CD86: variants seen among roughly 807,000 people sequenced by gnomAD.
CD86 encodes the protein T-lymphocyte activation antigen CD86.
CD86 carries 11 observed loss-of-function variants against 32.1 expected under a neutral mutation model. That is an observed-to-expected ratio of 0.34 (90% CI 0.22 to 0.57). CD86 has a LOEUF of 0.57. CD86 is among the 20% of genes least tolerant of loss of function. The pLI is 0.86. For missense variants in CD86, 359 were observed against 398.4 expected (o/e 0.90, Z 0.84); for synonymous variants, 137 against 135.3 (o/e 1.01, Z -0.09).
At chr3:122,077,613 A>G (rs1183826199) in intron 1 of CD86, among the ~76,000 whole-genome samples, 5 of 152,150 alleles carry the variant, frequency 3.3e-5, no homozygotes, top group African/African-American at 9.7e-5. Context: ...ATTTTCATCT[A>G]TGGGCTTCAA....
chr3:122,088,203 G>A (rs1481392140), intron 1 of CD86, among the ~76,000 whole-genome samples: 1 of 42,674 alleles, frequency 2.3e-5, no homozygotes, highest in African/African-American at 9.8e-5. Flanking sequence ...TTTTTTTTTT[G>A]TAGTAGCCAG....
At chr3:122,083,434 G>A (rs527362817) in intron 1 of CD86, among the ~76,000 whole-genome samples, 1 of 152,086 alleles carries the variant, frequency 6.6e-6, no homozygotes, top group African/African-American at 2.4e-5. Flanking sequence ...TGCATATGCT[G>A]TTCCCTTTGC....
intron 5 of CD86, among the ~76,000 whole-genome samples, chr3:122,112,746 G>C (rs1559914061): frequency 6.6e-6 from 1 of 152,050 alleles, no homozygotes; most frequent in Admixed American, 6.6e-5. Context: ...TTTGTCATGG[G>C]TATAAAAGGA....
chr3:122,088,885 C>T (rs1214121822), intron 1 of CD86, among the ~76,000 whole-genome samples: 2 of 152,198 alleles, frequency 1.3e-5, no homozygotes, highest in East Asian at 3.8e-4. Context: ...CAGCCTTGTT[C>T]ATACCAGCAT....
At chr3:122,068,518 C>T (rs886890270) in intron 1 of CD86, among the ~76,000 whole-genome samples, 6 of 152,132 alleles carry the variant, frequency 3.9e-5, no homozygotes, top group Non-Finnish European at 8.8e-5. Flanking sequence ...ACAAATAGGC[C>T]ACTTAAATTC....
intron 1 of CD86, chr3:122,077,804 C>A: frequency 1.0e-6 from 1 of 985,528 alleles, no homozygotes; most frequent in Non-Finnish European, 1.2e-6. Context: ...TGGAACCAAG[C>A]AAGAGCACTG....
At position 122,109,288 on chromosome 3, in the gene CD86, C is replaced by A; in HGVS notation, c.727C>A (p.Pro243Thr). The A allele has an allele frequency of 6.2e-7, 1 of 1,613,980 alleles. No individual in the cohort carries two copies. The highest frequency in any genetic ancestry group is 1.1e-5 in the South Asian group (1 of 91,034). The change falls in exon 5 of 7, where the codon CCA becomes ACA. Residue 243 changes from proline (P) to threonine (T), a missense_variant. Physicochemically the swap from Pro to Thr is conservative, Grantham distance 38. Transcript: ENST00000330540. The stretch of plus-strand genomic sequence containing the variant: ...AGAGCTTGAGGACCCTCAGCCTCCC[C>A]CAGACCACATTCCTTGGATTACAGC... Reference protein sequence around the residue: ...SIELEDPQPPPDHIPWITAVL... With the variant: ...SIELEDPQPPTDHIPWITAVL...
At chr3:122,117,231 C>T (rs1576790289) in intron 5 of CD86, among the ~76,000 whole-genome samples, 1 of 152,134 alleles carries the variant, frequency 6.6e-6, no homozygotes, top group Admixed American at 6.5e-5. Context: ...CTCTTCCCCC[C>T]AAGTACCCAA....
intron 1 of CD86, among the ~76,000 whole-genome samples, chr3:122,057,510 C>T (rs1289059715): frequency 6.6e-6 from 1 of 152,114 alleles, no homozygotes; most frequent in Non-Finnish European, 1.5e-5. Context: ...TACATGTATA[C>T]AAACAATATT....
intron 5 of CD86, among the ~76,000 whole-genome samples, chr3:122,110,099 GTGTTC>G (rs2073150457): frequency 6.6e-6 from 1 of 152,154 alleles, no homozygotes; most frequent in Admixed American, 6.5e-5. Context: ...TATATGTACT[GTGTTC>G]TAATTTTGTT....
chr3:122,112,192 C>T (rs767508429), intron 5 of CD86, among the ~76,000 whole-genome samples: 4 of 152,224 alleles, frequency 2.6e-5, no homozygotes, highest in Admixed American at 6.5e-5. Flanking sequence ...ATACAATGCC[C>T]TAGCAACAAC....
intron 1 of CD86, among the ~76,000 whole-genome samples, chr3:122,081,097 T>C (rs920345233): frequency 9.9e-5 from 15 of 152,236 alleles, no homozygotes; most frequent in African/African-American, 3.4e-4. Context: ...CAATTTTCTG[T>C]TAAATTAAAT....
intron 1 of CD86, among the ~76,000 whole-genome samples, chr3:122,074,640 C>G (rs540063436): frequency 6.6e-6 from 1 of 152,162 alleles, no homozygotes; most frequent in African/African-American, 2.4e-5. Context: ...TAGACTCCCA[C>G]GGGTTTCTGG....
At chr3:122,079,689 G>A (rs1430482938) in intron 1 of CD86, among the ~76,000 whole-genome samples, 1 of 152,166 alleles carries the variant, frequency 6.6e-6, no homozygotes, top group Non-Finnish European at 1.5e-5. Context: ...TTTCCGAACT[G>A]TACATTGGCT....
At chr3:122,063,403 T>C (rs1221260618) in intron 1 of CD86, among the ~76,000 whole-genome samples, 2 of 152,128 alleles carry the variant, frequency 1.3e-5, no homozygotes, top group African/African-American at 4.8e-5. Flanking sequence ...TTATTTAATG[T>C]AATGAAAAAT....
In CD86 at chr3:122,112,361, G is replaced by C. The variant is rs2073187468; in HGVS notation, c.847+2953G>C. ...GAGACAGAGCCTCACTCTGTCACCAGGCTGGAGTGCAGTGGCACGATCTCA... is the reference window on the plus strand; with the variant it reads ...GAGACAGAGCCTCACTCTGTCACCACGCTGGAGTGCAGTGGCACGATCTCA... On this transcript the variant is annotated intron_variant, in intron 5 of 6. Transcript: ENST00000330540. Among the ~76,000 whole-genome samples the C allele has an allele frequency of 7.3e-5, 11 of 151,518 alleles. No homozygotes were observed. In the South Asian group the frequency reaches 2.3e-3, roughly 32 times the overall value.
chr3:122,081,297 T>C (rs577122022), intron 1 of CD86, among the ~76,000 whole-genome samples: 22 of 152,318 alleles, frequency 1.4e-4, no homozygotes, highest in African/African-American at 5.1e-4. Context: ...TGTTATTTGA[T>C]TGTGTCTCAG....
chr3:122,110,523 G>C (rs2073156432), intron 5 of CD86, among the ~76,000 whole-genome samples: 1 of 152,184 alleles, frequency 6.6e-6, no homozygotes. Context: ...TTGTTTTTCA[G>C]TATACTGATT....
At chr3:122,077,150 A>G (rs888084582) in intron 1 of CD86, among the ~76,000 whole-genome samples, 4 of 152,150 alleles carry the variant, frequency 2.6e-5, no homozygotes, top group Non-Finnish European at 4.4e-5. Flanking sequence ...AATGTCCCCC[A>G]CACTGAGCAG....
Sources: allele counts gnomAD v4.1 joint callset (sites outside exome capture counted in the v4.1 genomes callset), GRCh38; gene constraint gnomAD v4.1.1; transcripts MANE v1.5; gene names NCBI Gene and HGNC (gene_info 2026-07-23, HGNC 2026-07-21).